The following GRIN2A variants were observed in gnomAD, a reference collection of about 807,000 sequenced individuals.
GRIN2A encodes glutamate receptor ionotropic, NMDA 2A.
Under a neutral mutation model 113.4 loss-of-function variants are expected in GRIN2A, and 22 were observed. The observed-to-expected ratio is 0.19, with a 90% confidence interval of 0.14 to 0.28. The LOEUF (loss-of-function observed/expected upper bound fraction) is 0.28, where lower values mean the gene tolerates loss of function less well. Ranked by LOEUF, GRIN2A falls within the 10% of genes least tolerant of loss-of-function variation. The pLI is 1.00. For missense variants in GRIN2A, 1,502 were observed against 1,887.0 expected (o/e 0.80, Z 3.78); for synonymous variants, 827 against 738.4 (o/e 1.12, Z -1.94).
At chr16:9,991,569 A>G (rs1341200454) in intron 2 of GRIN2A, among the ~76,000 whole-genome samples, 1 of 152,108 alleles carries the variant, frequency 6.6e-6, no homozygotes, top group Non-Finnish European at 1.5e-5. Context: ...CTCACCTTCG[A>G]GTCTCCAGTG....
intron 3 of GRIN2A, among the ~76,000 whole-genome samples, chr16:9,935,512 TCACA>T (rs71157793): frequency 0.06 from 8,006 of 132,796 alleles, 220 homozygotes; most frequent in African/African-American, 0.068. Context: ...GTCTACTTCA[TCACA>T]CACACACACA....
intron 2 of GRIN2A, among the ~76,000 whole-genome samples, chr16:10,140,811 T>A (rs1226484063): frequency 6.6e-6 from 1 of 152,176 alleles, no homozygotes; most frequent in Non-Finnish European, 1.5e-5. Context: ...TTCCCCTAAG[T>A]CACTTAACTG....
At position 10,035,965 on chromosome 16, in the gene GRIN2A, C is replaced by T. The variant is rs569953511; in HGVS notation, c.415-97414G>A. ...TCTCGAACTCCTGACCTCAAGTGAT[C>T]CGCCTGCCTGGGCCTCCCAAAGTGG... On this transcript the variant is annotated intron_variant, in intron 2 of 12. Coordinates refer to ENST00000330684, the MANE Select transcript of GRIN2A (RefSeq NM_001134407.3). 2.6e-5 allele frequency among the ~76,000 whole-genome samples: 4 copies of T among 152,300 alleles called. No homozygotes were observed. In the South Asian group the frequency reaches 8.3e-4, roughly 32 times the overall value.
At chr16:10,025,252 G>A (rs2046798306) in intron 2 of GRIN2A, among the ~76,000 whole-genome samples, 1 of 147,912 alleles carries the variant, frequency 6.8e-6, no homozygotes. Context: ...TTAACGAAAG[G>A]TTTTATATTT....
chr16:9,923,002 G>T lies in GRIN2A; in HGVS notation c.1007+14957C>A, dbSNP rs73502675. ...CCACAAGCAAATATTAGGTCAACTT[G>T]GTTGTGACATTGTTAAAATCATCTG... On this transcript the variant is annotated intron_variant, in intron 3 of 12. Transcript: ENST00000330684. Among the ~76,000 whole-genome samples the T allele has an allele frequency of 9.2e-3, 1,403 of 152,168 alleles. 19 individuals carry two copies. Among genetic ancestry groups the T allele is most frequent in the African/African-American group, 0.032 (1,338 of 41,516 alleles).
At chr16:10,072,675 C>T (rs1309577453) in intron 2 of GRIN2A, among the ~76,000 whole-genome samples, 1 of 152,108 alleles carries the variant, frequency 6.6e-6, no homozygotes, top group Admixed American at 6.6e-5. Flanking sequence ...GTCTGTGGAC[C>T]CCCTGACATC....
chr16:10,096,420 G>A (rs2048290133), intron 2 of GRIN2A, among the ~76,000 whole-genome samples: 2 of 152,092 alleles, frequency 1.3e-5, no homozygotes, highest in Non-Finnish European at 2.9e-5. Flanking sequence ...GGCAACCTGT[G>A]CTTTAATCAG....
intron 4 of GRIN2A, among the ~76,000 whole-genome samples, chr16:9,882,152 A>T (rs2043493902): frequency 6.6e-6 from 1 of 152,178 alleles, no homozygotes; most frequent in Non-Finnish European, 1.5e-5. Flanking sequence ...TGCTAGGCTA[A>T]ATGTGGTAGT....
chr16:10,051,430 T>G (rs8061963), intron 2 of GRIN2A, among the ~76,000 whole-genome samples: 13,739 of 152,198 alleles, frequency 0.09, 702 homozygotes, highest in Non-Finnish European at 0.11. Flanking sequence ...GCATTGCCTT[T>G]TCACAGGAGT....
At chr16:10,058,558 C>T (rs2047495797) in intron 2 of GRIN2A, among the ~76,000 whole-genome samples, 1 of 152,148 alleles carries the variant, frequency 6.6e-6, no homozygotes, top group African/African-American at 2.4e-5. Flanking sequence ...AAAAATCAGA[C>T]AGCTGCTATT....
chr16:9,866,677 A>G (rs1269610750), intron 4 of GRIN2A, among the ~76,000 whole-genome samples: 3 of 152,184 alleles, frequency 2.0e-5, no homozygotes, highest in Admixed American at 6.5e-5. Context: ...AAATTGTCCT[A>G]TTTGCAAGTA....
At chr16:9,884,243 A>G (rs2043545345) in intron 4 of GRIN2A, among the ~76,000 whole-genome samples, 1 of 152,196 alleles carries the variant, frequency 6.6e-6, no homozygotes, top group African/African-American at 2.4e-5. Flanking sequence ...ACACACATAT[A>G]TTTTCATTTT....
intron 2 of GRIN2A, among the ~76,000 whole-genome samples, chr16:10,061,580 A>C (rs543084965): frequency 7.2e-5 from 11 of 152,282 alleles, no homozygotes; most frequent in African/African-American, 2.6e-4. Context: ...GTTGCTTCTG[A>C]AAAAGACTCC....
Position 9,777,336 on chromosome 16 carries a change from G to A in GRIN2A, c.2357-8247C>T, listed in dbSNP as rs115036780. Among the ~76,000 whole-genome samples the A allele has an allele frequency of 2.7e-3, 414 of 152,290 alleles. 1 individual carries two copies. The highest frequency in any genetic ancestry group is 9.4e-3 in the African/African-American group (389 of 41,552). The stretch of plus-strand genomic sequence containing the variant: ...CCCTGGGTTCAGAAATAATATTCTG[G>A]AGCCTGTGACCTCTGTTCTCACGAT... On this transcript the variant is annotated intron_variant, in intron 11 of 12. Transcript: ENST00000330684.
chr16:9,985,785 G>C (rs532724542), intron 2 of GRIN2A, among the ~76,000 whole-genome samples: 3 of 152,208 alleles, frequency 2.0e-5, no homozygotes, highest in South Asian at 2.1e-4. Context: ...ATATTTAATA[G>C]CACAACAGGG....
chr16:10,168,972 T>TAAC (rs1315637217), intron 2 of GRIN2A, among the ~76,000 whole-genome samples: 142 of 92,878 alleles, frequency 1.5e-3, no homozygotes, highest in Non-Finnish European at 2.6e-3. Flanking sequence ...TCTCAAATAA[T>TAAC]AACAATAATA....
intron 2 of GRIN2A, among the ~76,000 whole-genome samples, chr16:10,080,999 A>G (rs932323109): frequency 2.0e-5 from 3 of 152,158 alleles, no homozygotes; most frequent in Non-Finnish European, 1.5e-5. Context: ...TGCTCATACA[A>G]TTCTGAGTTG....
intron 3 of GRIN2A, among the ~76,000 whole-genome samples, chr16:9,904,769 A>G (rs1397203812): frequency 1.3e-5 from 2 of 152,160 alleles, no homozygotes; most frequent in East Asian, 3.8e-4. Flanking sequence ...ACCTCCAGAT[A>G]CCATCCCTCT....
intron 2 of GRIN2A, among the ~76,000 whole-genome samples, chr16:9,993,752 A>G (rs1267551372): frequency 1.3e-5 from 2 of 152,142 alleles, no homozygotes; most frequent in African/African-American, 4.8e-5. Context: ...AACTCAGACT[A>G]AAACCTAAAT....
Sources: allele counts gnomAD v4.1 joint callset (sites outside exome capture counted in the v4.1 genomes callset), GRCh38; gene constraint gnomAD v4.1.1; transcripts MANE v1.5; gene names NCBI Gene and HGNC (gene_info 2026-07-23, HGNC 2026-07-21).